FMNL2: variants seen among roughly 807,000 people sequenced by gnomAD.
FMNL2 encodes formin-like protein 2.
FMNL2 carries 51 observed loss-of-function variants against 130.2 expected under a neutral mutation model. That is an observed-to-expected ratio of 0.39 (90% CI 0.31 to 0.49). The LOEUF is 0.49. Ranked by LOEUF, FMNL2 falls within the 20% of genes least tolerant of loss-of-function variation. FMNL2 has a pLI of 0.85. For synonymous variants in FMNL2, 465 were observed against 467.1 expected (o/e 1.00, Z 0.06); for missense variants, 977 against 1,316.2 (o/e 0.74, Z 3.99).
intron 1 of FMNL2, among the ~76,000 whole-genome samples, chr2:152,445,701 AAAAT>A (rs1308402960): frequency 3.9e-5 from 6 of 152,160 alleles, no homozygotes; most frequent in Non-Finnish European, 7.4e-5. Context: ...TCAGGGGTTG[AAAAT>A]CTACATTTCT....
At chr2:152,528,220 T>C (rs921964294) in intron 2 of FMNL2, among the ~76,000 whole-genome samples, 7 of 152,196 alleles carry the variant, frequency 4.6e-5, no homozygotes, top group African/African-American at 1.7e-4. Flanking sequence ...TTACTGACTG[T>C]AGTATAAGGT....
chr2:152,495,191 A>C (rs578223032), intron 1 of FMNL2, among the ~76,000 whole-genome samples: 1 of 152,324 alleles, frequency 6.6e-6, no homozygotes, highest in African/African-American at 2.4e-5. Flanking sequence ...CTGGAAATAT[A>C]CTAACAGGAA....
chr2:152,548,339 G>A (rs532359645), intron 3 of FMNL2, among the ~76,000 whole-genome samples: 1 of 152,212 alleles, frequency 6.6e-6, no homozygotes, highest in South Asian at 2.1e-4. Flanking sequence ...TTTGACGGGG[G>A]AAAGTTCCTA....
At chr2:152,610,061 T>G (rs1044910855) in intron 10 of FMNL2, among the ~76,000 whole-genome samples, 2 of 152,128 alleles carry the variant, frequency 1.3e-5, no homozygotes, top group African/African-American at 4.8e-5. Flanking sequence ...AAGCAGTAAA[T>G]CCCAGGCTTT....
chr2:152,588,826 T>C (rs1697227505), intron 9 of FMNL2, among the ~76,000 whole-genome samples: 1 of 152,126 alleles, frequency 6.6e-6, no homozygotes, highest in African/African-American at 2.4e-5. Context: ...GGAGCAAATA[T>C]GCTCCCCAGT....
chr2:152,628,384 C>T lies in FMNL2; in HGVS notation c.2251C>T (p.Leu751Phe), dbSNP rs1164935476. ...PTENEVKVLRLYERERKPLEN... is the reference protein window; with the variant it reads ...PTENEVKVLRFYERERKPLEN... ...TGAGAATGAAGTGAAAGTGCTTCGG[C>T]TCTACGAGCGGGAAAGGAAGCCTCT... Residue 751 changes from leucine to phenylalanine, a missense_variant, in exon 18 of 26, where the codon CTC becomes TTC. Physicochemically the swap from Leu to Phe is conservative, Grantham distance 22. Coordinates refer to ENST00000288670, the MANE Select transcript of FMNL2 (RefSeq NM_052905.4). The T allele has an allele frequency of 9.3e-6, 15 of 1,614,024 alleles. No individual in the cohort carries two copies. The highest frequency in any genetic ancestry group is 1.6e-4 in the Middle Eastern group (1 of 6,062).
intron 9 of FMNL2, among the ~76,000 whole-genome samples, chr2:152,600,197 A>G (rs1422874916): frequency 1.3e-5 from 2 of 151,924 alleles, no homozygotes; most frequent in Non-Finnish European, 2.9e-5. Context: ...CTAATCAGTC[A>G]TAATAGAGTG....
rs980217108 is a variant in FMNL2, at chr2:152,542,826, T to C, written c.282+7T>C. The C allele has an allele frequency of 6.2e-7, 1 of 1,613,680 alleles. No homozygotes were observed. Among genetic ancestry groups the C allele is most frequent in the South Asian group, 1.1e-5 (1 of 91,070 alleles). The stretch of plus-strand genomic sequence containing the variant: ...TCCAGCTGTAACCAGGAAGGTAAGA[T>C]GGATTTGTTTCCACTCTTTGTTATT... On this transcript the variant is annotated splice_region_variant and intron_variant, in intron 3 of 25. Transcript: ENST00000288670.
chr2:152,570,294 A>C (rs1696104953), intron 6 of FMNL2, among the ~76,000 whole-genome samples: 1 of 152,168 alleles, frequency 6.6e-6, no homozygotes, highest in Non-Finnish European at 1.5e-5. Context: ...CTCATCTTTG[A>C]ATGCTAGGGT....
intron 2 of FMNL2, among the ~76,000 whole-genome samples, chr2:152,533,797 A>G (rs1469340110): frequency 6.6e-6 from 1 of 152,014 alleles, no homozygotes; most frequent in Non-Finnish European, 1.5e-5. Context: ...ATTTTTTGAC[A>G]TTTCTAGTAG....
At chr2:152,441,078 G>A (rs1688024387) in intron 1 of FMNL2, among the ~76,000 whole-genome samples, 1 of 152,202 alleles carries the variant, frequency 6.6e-6, no homozygotes, top group South Asian at 2.1e-4. Flanking sequence ...TATGTGCAGA[G>A]CACTAAATGG....
chr2:152,577,814 G>A (rs1029454086), intron 7 of FMNL2, among the ~76,000 whole-genome samples: 1 of 152,166 alleles, frequency 6.6e-6, no homozygotes, highest in Non-Finnish European at 1.5e-5. Flanking sequence ...GATTGGAGTG[G>A]TTTCAAGAAT....
chr2:152,601,667 CTTTCTTTTTTT>C (rs1311251557), intron 9 of FMNL2, among the ~76,000 whole-genome samples: 48 of 132,238 alleles, frequency 3.6e-4, no homozygotes, highest in African/African-American at 1.5e-3. Flanking sequence ...CTTTTCTTTT[CTTTCTTTTTTT>C]TTTTTTTTTG....
At chr2:152,539,670 G>T (rs750008019) in intron 2 of FMNL2, among the ~76,000 whole-genome samples, 7 of 152,192 alleles carry the variant, frequency 4.6e-5, no homozygotes, top group Non-Finnish European at 8.8e-5. Context: ...TGTAGACCTT[G>T]TTCATAATTT....
At chr2:152,437,600 G>A (rs1687833935) in intron 1 of FMNL2, among the ~76,000 whole-genome samples, 1 of 152,090 alleles carries the variant, frequency 6.6e-6, no homozygotes, top group African/African-American at 2.4e-5. Flanking sequence ...CCTTGATTAT[G>A]CCTTTTTACA....
intron 1 of FMNL2, among the ~76,000 whole-genome samples, chr2:152,516,371 T>C (rs1474886805): frequency 6.6e-6 from 1 of 152,170 alleles, no homozygotes; most frequent in Non-Finnish European, 1.5e-5. Flanking sequence ...TCTGTATCTC[T>C]ATTATTTAAG....
intron 1 of FMNL2, among the ~76,000 whole-genome samples, chr2:152,496,776 G>T (rs914990294): frequency 2.0e-5 from 3 of 152,030 alleles, no homozygotes; most frequent in African/African-American, 7.2e-5. Context: ...TTATTATATT[G>T]CTCAAATTGT....
At chr2:152,437,949 C>G (rs573459618) in intron 1 of FMNL2, among the ~76,000 whole-genome samples, 3 of 152,132 alleles carry the variant, frequency 2.0e-5, no homozygotes, top group Non-Finnish European at 2.9e-5. Flanking sequence ...AAAAACAGAG[C>G]CTTTATGAAA....
chr2:152,396,906 C>T (rs188264445), intron 1 of FMNL2, among the ~76,000 whole-genome samples: 2 of 152,288 alleles, frequency 1.3e-5, no homozygotes, highest in East Asian at 3.9e-4. Context: ...ATTTTTAAAG[C>T]TCTCTAAATG....
Sources: gnomAD v4.1 joint callset for allele counts (sites outside exome capture counted in the v4.1 genomes callset) on GRCh38, gnomAD v4.1.1 for gene constraint, MANE v1.5 for transcripts, NCBI Gene and HGNC (gene_info 2026-07-23, HGNC 2026-07-21) for gene names.